IGF1R: variants seen among roughly 807,000 people sequenced by gnomAD.
IGF1R encodes the protein insulin-like growth factor 1 receptor.
IGF1R carries 44 observed loss-of-function variants against 144.6 expected under a neutral mutation model. The observed-to-expected ratio is 0.30, with a 90% CI of 0.24 to 0.39. The LOEUF (loss-of-function observed/expected upper bound fraction) is 0.39, where lower values mean the gene tolerates loss of function less well. IGF1R is among the 10% of genes least tolerant of loss of function. The pLI, the probability that IGF1R is intolerant of heterozygous loss-of-function variation, is 1.00. For synonymous variants in IGF1R, 795 were observed against 722.8 expected (o/e 1.10, Z -1.60); for missense variants, 1,355 against 1,833.7 (o/e 0.74, Z 4.77).
At chr15:98,874,987 T>C (rs1029254813) in intron 2 of IGF1R, among the ~76,000 whole-genome samples, 1 of 152,226 alleles carries the variant, frequency 6.6e-6, no homozygotes, top group Non-Finnish European at 1.5e-5. Context: ...ACACTGATTG[T>C]TTGCAAAACA....
chr15:98,650,142 G>A (rs569859334), intron 1 of IGF1R, among the ~76,000 whole-genome samples: 42 of 152,278 alleles, frequency 2.8e-4, no homozygotes, highest in African/African-American at 8.7e-4. Flanking sequence ...GGGGCTGACC[G>A]GGCAGTGGGG....
intron 10 of IGF1R, among the ~76,000 whole-genome samples, chr15:98,918,563 C>T (rs1226920931): frequency 1.3e-5 from 2 of 152,058 alleles, no homozygotes; most frequent in Non-Finnish European, 2.9e-5. Context: ...GCTTTTTTCT[C>T]CTCCCCTCCT....
intron 11 of IGF1R, 85 bp from the exon 12 acceptor site, chr15:98,923,791 G>C (rs17847206): frequency 3.7e-5 from 39 of 1,064,366 alleles, no homozygotes; most frequent in Non-Finnish European, 1.8e-5. Context: ...CGTGTGGATG[G>C]GGGGGTTATT....
At position 98,924,509 on chromosome 15, in the gene IGF1R, T is replaced by C. The variant is rs932992639; in HGVS notation, c.2623-16T>C. 1.2e-6 allele frequency: 2 copies of C among 1,613,752 alleles called. No homozygotes were observed. Among genetic ancestry groups the C allele is most frequent in the Non-Finnish European group, 1.7e-6 (2 of 1,179,612 alleles). On this transcript the variant is annotated splice_polypyrimidine_tract_variant and intron_variant, in intron 12 of 20. Transcript: ENST00000650285. Reference sequence around the variant, plus strand: ...TGCATTCATGGGAAATTGACATGTATGTTTTATTTCCCCAGGATCAGCGAG... The same window carrying C: ...TGCATTCATGGGAAATTGACATGTACGTTTTATTTCCCCAGGATCAGCGAG...
At chr15:98,781,703 A>G (rs2055865139) in intron 2 of IGF1R, among the ~76,000 whole-genome samples, 1 of 152,138 alleles carries the variant, frequency 6.6e-6, no homozygotes, top group Non-Finnish European at 1.5e-5. Context: ...TCTACCTTGC[A>G]TATTTTGTAC....
intron 2 of IGF1R, among the ~76,000 whole-genome samples, chr15:98,822,429 G>T (rs765443173): frequency 6.6e-6 from 1 of 152,206 alleles, no homozygotes. Flanking sequence ...GATAATAAAA[G>T]TCTAGCATGA....
At chr15:98,832,687 CCTTT>C (rs1385264042) in intron 2 of IGF1R, among the ~76,000 whole-genome samples, 2 of 152,090 alleles carry the variant, frequency 1.3e-5, no homozygotes, top group African/African-American at 2.4e-5. Flanking sequence ...GCTCTAGGCT[CCTTT>C]CTTTTCCTCT....
At chr15:98,666,409 G>A (rs1379971582) in intron 1 of IGF1R, among the ~76,000 whole-genome samples, 1 of 152,076 alleles carries the variant, frequency 6.6e-6, no homozygotes, top group Non-Finnish European at 1.5e-5. Context: ...GAAAGCAGGG[G>A]CTCGAACAGA....
At position 98,959,812 on chromosome 15, in the gene IGF1R, C is replaced by T; in HGVS notation, c.*2370C>T. ...GCTTTTTTGCTGGTCAGCAGTTTGT[C>T]CCACTGCTTTCTCTAGTCTCTATCC... On this transcript the variant is annotated 3_prime_UTR_variant, in exon 21 of 21. Transcript: ENST00000650285. 1 of 231,916 alleles carries T rather than the reference C, an allele frequency of 4.3e-6. No homozygotes were observed. The allele number at this position is 231,916 out of a possible 1,614,324, so 14.4% of individuals were successfully genotyped here.
At chr15:98,662,531 G>C (rs2052624900) in intron 1 of IGF1R, among the ~76,000 whole-genome samples, 1 of 152,096 alleles carries the variant, frequency 6.6e-6, no homozygotes, top group South Asian at 2.1e-4. Context: ...AGGGCCTCCA[G>C]TGGTCTCTGC....
At chr15:98,691,708 A>C (rs1271877264) in intron 1 of IGF1R, among the ~76,000 whole-genome samples, 1 of 152,118 alleles carries the variant, frequency 6.6e-6, no homozygotes, top group East Asian at 1.9e-4. Flanking sequence ...TTTTGGGAGC[A>C]AGACCACAGA....
chr15:98,734,624 AGT>A (rs1263689633), intron 2 of IGF1R: 2 of 152,184 alleles, frequency 1.3e-5, no homozygotes, highest in Admixed American at 6.5e-5. Context: ...TTGCTAAGTA[AGT>A]GTGTGTTTTG....
chr15:98,710,049 G>T (rs1192073607), intron 2 of IGF1R, among the ~76,000 whole-genome samples: 1 of 152,192 alleles, frequency 6.6e-6, no homozygotes, highest in Non-Finnish European at 1.5e-5. Flanking sequence ...GTGGAATGGG[G>T]TAAAGCCTGC....
chr15:98,776,713 C>T (rs2055725426), intron 2 of IGF1R, among the ~76,000 whole-genome samples: 1 of 152,188 alleles, frequency 6.6e-6, no homozygotes, highest in South Asian at 2.1e-4. Flanking sequence ...CCTGAGGCCA[C>T]AGCGGTGTGC....
In IGF1R at chr15:98,755,930, G is replaced by C. The variant is rs932648678; in HGVS notation, c.640+47823G>C. Among the ~76,000 whole-genome samples the C allele has an allele frequency of 4.4e-4, 67 of 152,166 alleles. 1 individual carries two copies. Among genetic ancestry groups the C allele is most frequent in the African/African-American group, 1.6e-3 (67 of 41,528 alleles). On this transcript the variant is annotated intron_variant, in intron 2 of 20. Coordinates refer to ENST00000650285, the MANE Select transcript of IGF1R (RefSeq NM_000875.5). ...TGCCTTTTTGGCATGATATAATTGTGAGCTTTTGCTTTTATTTGGTGGTGT... is the reference window on the plus strand; with the variant it reads ...TGCCTTTTTGGCATGATATAATTGTCAGCTTTTGCTTTTATTTGGTGGTGT...
intron 2 of IGF1R, among the ~76,000 whole-genome samples, chr15:98,857,347 T>G (rs1483953119): frequency 1.3e-5 from 2 of 152,130 alleles, no homozygotes; most frequent in Admixed American, 6.5e-5. Flanking sequence ...GCTTCCTGAG[T>G]ATCTGAGATT....
intron 2 of IGF1R, among the ~76,000 whole-genome samples, chr15:98,872,461 A>G (rs1169332743): frequency 6.6e-6 from 1 of 152,226 alleles, no homozygotes; most frequent in Non-Finnish European, 1.5e-5. Flanking sequence ...TACCCCATGT[A>G]CACTTCAGCT....
At chr15:98,759,489 G>GC (rs1422905485) in intron 2 of IGF1R, among the ~76,000 whole-genome samples, 1 of 152,186 alleles carries the variant, frequency 6.6e-6, no homozygotes, top group African/African-American at 2.4e-5. Flanking sequence ...CAGAAGAACG[G>GC]CCCCCCAGGG....
At chr15:98,768,930 A>AAACAACAACAACAAC (rs56709467) in intron 2 of IGF1R, among the ~76,000 whole-genome samples, 1 of 16,454 alleles carries the variant, frequency 6.1e-5, no homozygotes, top group African/African-American at 6.6e-5. Flanking sequence ...TCCGTCTCAA[A>AAACAACAACAACAAC]AACAACAACA....
Sources: allele counts gnomAD v4.1 joint callset (sites outside exome capture counted in the v4.1 genomes callset), GRCh38; gene constraint gnomAD v4.1.1; transcripts MANE v1.5; gene names NCBI Gene and HGNC (gene_info 2026-07-23, HGNC 2026-07-21).